SYN3: variants seen among roughly 807,000 people sequenced by gnomAD.
The protein encoded by SYN3 is synapsin-3.
In SYN3, 35 loss-of-function variants were observed where a neutral mutation model predicts 65.8. That is an observed-to-expected ratio of 0.53 (90% CI 0.41 to 0.70). SYN3 has a LOEUF of 0.70. Ranked by LOEUF, SYN3 falls within the 30% of genes least tolerant of loss-of-function variation. The pLI, the probability that SYN3 is intolerant of heterozygous loss-of-function variation, is 0.00. For synonymous variants in SYN3, 270 were observed against 292.9 expected, an observed-to-expected ratio of 0.92 and a Z score of 0.80; for missense variants, 680 against 749.0, an observed-to-expected ratio of 0.91 and a Z score of 1.08.
chr22:32,865,602 T>C (rs541229789), intron 5 of SYN3, among the ~76,000 whole-genome samples: 1 of 152,284 alleles, frequency 6.6e-6, no homozygotes, highest in East Asian at 1.9e-4. Flanking sequence ...TTAATAAATA[T>C]TTTCTCTGCT....
intron 11 of SYN3, 115 bp from the exon 12 acceptor site, chr22:32,528,120 A>G (rs2058011363): frequency 4.9e-6 from 4 of 815,970 alleles, no homozygotes; most frequent in Middle Eastern, 2.4e-4. Context: ...CTTACACATA[A>G]AGTGTACAGT....
Position 32,931,564 on chromosome 22 carries a change from G to A in SYN3, c.370-83C>T, listed in dbSNP as rs2050635591. 3.4e-6 allele frequency: 3 copies of A among 884,554 alleles called. No individual in the cohort carries two copies. The Admixed American group carries it at 5.4e-5, about 16-fold the overall frequency. The allele number at this position is 884,554 out of a possible 1,614,324, so 54.8% of individuals were successfully genotyped here. On this transcript the variant is annotated intron_variant, in intron 3 of 13. Transcript: ENST00000358763. ...GTTAACACATATTGGGTACTTAGAG[G>A]TACAAAGTACACCTTTAAAGCTCCC...
intron 4 of SYN3, among the ~76,000 whole-genome samples, chr22:32,870,464 C>T (rs1158175316): frequency 6.6e-6 from 1 of 152,146 alleles, no homozygotes; most frequent in African/African-American, 2.4e-5. Context: ...AACCAATCAT[C>T]TACTATTATC....
chr22:32,676,734 G>A (rs1465169596), intron 6 of SYN3, among the ~76,000 whole-genome samples: 7 of 149,668 alleles, frequency 4.7e-5, no homozygotes, highest in Admixed American at 1.3e-4. Context: ...TAGTAGAGAC[G>A]GGGTTTCACC....
rs567654159 is a variant in SYN3 at position 32,569,854 on chromosome 22, T to G, written c.774+26820A>C. Reference sequence around the variant, plus strand: ...TAAACTGGCCCAATGATTTGAACAGTGCCAGGCACAAAGCAACGAATGTTA... The same window carrying G: ...TAAACTGGCCCAATGATTTGAACAGGGCCAGGCACAAAGCAACGAATGTTA... On this transcript the variant is annotated intron_variant, in intron 7 of 13. Coordinates refer to ENST00000358763, the MANE Select transcript of SYN3 (RefSeq NM_003490.4). Among the ~76,000 whole-genome samples the G allele has an allele frequency of 4.6e-5, 7 of 152,310 alleles. No homozygotes were observed. The South Asian group carries it at 1.4e-3, about 32-fold the overall frequency.
intron 2 of SYN3, among the ~76,000 whole-genome samples, chr22:33,001,742 T>G (rs2053065134): frequency 6.6e-6 from 1 of 152,224 alleles, no homozygotes; most frequent in African/African-American, 2.4e-5. Flanking sequence ...ACATTAACTC[T>G]ATGACATAGG....
intron 1 of SYN3, 77 bp from the exon 2 acceptor site, chr22:33,006,901 G>T: frequency 2.6e-6 from 1 of 388,712 alleles, no homozygotes; most frequent in Non-Finnish European, 4.6e-6. Flanking sequence ...GCGCTTTCCT[G>T]CCCCACTGCA....
At chr22:32,843,316 A>T (rs1569269205) in intron 6 of SYN3, among the ~76,000 whole-genome samples, 1 of 152,340 alleles carries the variant, frequency 6.6e-6, no homozygotes, top group East Asian at 1.9e-4. Flanking sequence ...TAGATTCACT[A>T]ATGTGATGCT....
chr22:32,848,037 G>A (rs934919394), intron 6 of SYN3, among the ~76,000 whole-genome samples: 18 of 152,172 alleles, frequency 1.2e-4, no homozygotes, highest in African/African-American at 4.1e-4. Context: ...GCAATTTCCA[G>A]TTTTGGTATT....
chr22:32,936,243 C>G (rs2050772855), intron 3 of SYN3, among the ~76,000 whole-genome samples: 1 of 152,178 alleles, frequency 6.6e-6, no homozygotes. Flanking sequence ...CATTACATAT[C>G]AGTTTTCAGG....
rs538039119 is a variant in SYN3 at position 32,533,270 on chromosome 22, A to G, written c.1095+523T>C. Among the ~76,000 whole-genome samples, 10 of 151,872 alleles carry G rather than the reference A, an allele frequency of 6.6e-5. No homozygotes were observed. The South Asian group carries it at 1.5e-3, about 22-fold the overall frequency. ...ATTCCATCCCCCTTCCAAATCCTCA[A>G]TGCTCTGCCACTGTTTCTCACCCTC... On this transcript the variant is annotated intron_variant, in intron 10 of 13. Coordinates refer to ENST00000358763, the MANE Select transcript of SYN3 (RefSeq NM_003490.4).
At chr22:33,048,269 A>G (rs1468335876) in intron 1 of SYN3, among the ~76,000 whole-genome samples, 1 of 152,208 alleles carries the variant, frequency 6.6e-6, no homozygotes, top group Non-Finnish European at 1.5e-5. Context: ...TATTGTTAAA[A>G]AAAAAACTAT....
chr22:32,842,987 G>A (rs1313709975), intron 6 of SYN3, among the ~76,000 whole-genome samples: 3 of 152,196 alleles, frequency 2.0e-5, no homozygotes, highest in Non-Finnish European at 4.4e-5. Flanking sequence ...TGCAGTGAAA[G>A]TGGGGAATGC....
chr22:32,578,602 A>C (rs1010520763), intron 7 of SYN3, among the ~76,000 whole-genome samples: 2 of 152,174 alleles, frequency 1.3e-5, no homozygotes, highest in Non-Finnish European at 2.9e-5. Context: ...AATCAACTTA[A>C]TGGATCACAA....
At chr22:32,918,736 A>G (rs1005664) in intron 4 of SYN3, among the ~76,000 whole-genome samples, 9,039 of 152,226 alleles carry the variant, frequency 0.059, 862 homozygotes, top group African/African-American at 0.2. Flanking sequence ...TGTTTCAGGA[A>G]GAAGGAGAAC....
intron 3 of SYN3, among the ~76,000 whole-genome samples, chr22:32,942,229 G>GTACC (rs773618309): frequency 2.0e-5 from 3 of 152,188 alleles, no homozygotes; most frequent in Non-Finnish European, 4.4e-5. Context: ...ACACGGCCAG[G>GTACC]TACCCCTCTG....
intron 6 of SYN3, among the ~76,000 whole-genome samples, chr22:32,772,477 T>G (rs944365673): frequency 6.6e-6 from 1 of 152,036 alleles, no homozygotes; most frequent in Non-Finnish European, 1.5e-5. Context: ...AAAGCTTTTT[T>G]GTATAGGGAC....
intron 6 of SYN3, among the ~76,000 whole-genome samples, chr22:32,738,212 G>A (rs555449678): frequency 6.0e-5 from 9 of 150,608 alleles, no homozygotes; most frequent in African/African-American, 2.2e-4. Context: ...CTCTGGGTTT[G>A]TTAATAACAT....
chr22:32,929,177 G>C (rs2146683478), intron 4 of SYN3, among the ~76,000 whole-genome samples: 2 of 152,270 alleles, frequency 1.3e-5, no homozygotes, highest in Middle Eastern at 6.8e-3. Context: ...AGCTACCCGG[G>C]AGGCTGAGGC....
Sources: allele counts gnomAD v4.1 joint callset (sites outside exome capture counted in the v4.1 genomes callset), GRCh38; gene constraint gnomAD v4.1.1; transcripts MANE v1.5; gene names NCBI Gene and HGNC (gene_info 2026-07-23, HGNC 2026-07-21).